The following SLX4 variants were observed in gnomAD, a reference collection of about 807,000 sequenced individuals.
The protein encoded by SLX4 is SLX4 structure-specific endonuclease subunit.
A neutral mutation model predicts 146.2 loss-of-function variants in SLX4; 112 were observed. The ratio of observed to expected loss-of-function variants is 0.77; its 90% CI spans 0.66 to 0.90. The LOEUF is 0.90. Ranked by LOEUF, SLX4 falls within the 40% of genes least tolerant of loss-of-function variation. SLX4 has a pLI of 0.00. For missense variants in SLX4, 2,563 were observed against 2,392.7 expected (o/e 1.07, Z -1.49); for synonymous variants, 1,061 against 997.7 (o/e 1.06, Z -1.20).
At chr16:3,604,986 A>G (rs916065282) in intron 3 of SLX4, among the ~76,000 whole-genome samples, 1 of 149,810 alleles carries the variant, frequency 6.7e-6, no homozygotes, top group Admixed American at 6.7e-5. Context: ...CAATGATGCA[A>G]TCACAGCTCA....
chr16:3,589,383 G>A lies in SLX4; in HGVS notation c.4255C>T (p.Pro1419Ser), dbSNP rs1418422984. Residue 1419 changes from proline (P) to serine (S), a missense_variant, in exon 12 of 15, where the codon CCC (proline) becomes TCC (serine). Transcript: ENST00000294008. This position sits in a 1 kb window ranked among gnomAD's most constrained non-coding sequence, Gnocchi z 6.2. ...CAGCAGTCGTCAATTGGAATTGGGG[G>A]GTCACTGTCCAGTGGGGGGCTTCTG... ...ANRSPPLDSD[P>S]PIPIDDCCWH... 6.3e-7 allele frequency: 1 copy of A among 1,593,012 alleles called. No homozygotes were observed.
chr16:3,593,198 A>C (rs1336731147), intron 10 of SLX4, among the ~76,000 whole-genome samples: 1 of 152,006 alleles, frequency 6.6e-6, no homozygotes, highest in Non-Finnish European at 1.5e-5. Context: ...CAGCCTCCCG[A>C]GTAGCTGGGA....
In SLX4 at chr16:3,589,277, G is replaced by C; in HGVS notation, c.4361C>G (p.Pro1454Arg). The C allele has an allele frequency of 6.3e-7, 1 of 1,596,092 alleles. No individual in the cohort carries two copies. The highest frequency in any genetic ancestry group is 8.6e-7 in the Non-Finnish European group (1 of 1,169,506). ...GGCGGCCTCGTTCATCCTGCGGCTGGGGCTGCTGGTGCTCAGGGGGCCGGT... is the reference window on the plus strand; with the variant it reads ...GGCGGCCTCGTTCATCCTGCGGCTGCGGCTGCTGGTGCTCAGGGGGCCGGT... The part of the protein sequence containing the change: ...ERTGPLSTSS[P>R]SRRMNEAADS... The change falls in exon 12 of 15, where the codon CCC becomes CGC. Residue 1454 changes from proline to arginine, a missense_variant. By Grantham distance (103) the Pro-to-Arg change is moderately radical (BLOSUM62 -2). Transcript: ENST00000294008. The surrounding 1 kb of genome is among the most constrained non-coding windows in gnomAD (Gnocchi z 6.2).
rs1391285556 is a variant in SLX4, at chr16:3,590,844, G to T, written c.2794C>A (p.Gln932Lys). Reference sequence around the variant, plus strand: ...CCCCGTGCCCCTGAGTGCTGGCCCTGGGGTGGCGGGAGAGCGCACTGTCCC... The same window carrying T: ...CCCCGTGCCCCTGAGTGCTGGCCCTTGGGTGGCGGGAGAGCGCACTGTCCC... ...KMGQCALPPP[Q>K]GQHSGARGAE... Residue 932 changes from glutamine to lysine, a missense_variant, in exon 12 of 15, where the codon CAG becomes AAG. Coordinates refer to ENST00000294008, the MANE Select transcript of SLX4 (RefSeq NM_032444.4). The surrounding 1 kb of genome is among the most constrained non-coding windows in gnomAD (Gnocchi z 4.8). The T allele has an allele frequency of 1.2e-6, 2 of 1,614,000 alleles. No individual in the cohort carries two copies. Among genetic ancestry groups the T allele is most frequent in the African/African-American group, 2.7e-5 (2 of 74,926 alleles).
chr16:3,592,606 C>A, intron 11 of SLX4, 93 bp downstream of exon 11: 1 of 1,440,480 alleles, frequency 6.9e-7, no homozygotes, highest in Non-Finnish European at 9.5e-7. Context: ...TTCTCTTGGC[C>A]TCAGCCCCGA....
At chr16:3,610,684 C>G (rs760005042) in intron 1 of SLX4, among the ~76,000 whole-genome samples, 19 of 152,208 alleles carry the variant, frequency 1.2e-4, no homozygotes, top group African/African-American at 2.7e-4. Flanking sequence ...GGCTTATTAT[C>G]TGTCCCCCAT....
Position 3,592,768 on chromosome 16 carries a change from T to A in SLX4, c.2258A>T (p.His753Leu), listed in dbSNP as rs759431781. 4 of 1,612,956 alleles carry A rather than the reference T, an allele frequency of 2.5e-6. No homozygotes were observed. The highest frequency in any genetic ancestry group is 2.5e-6 in the Non-Finnish European group (3 of 1,180,002). The stretch of plus-strand genomic sequence containing the variant: ...GCCAGTGTCCGCAGTGTAGAGATAG[T>A]GCAGGAACGTGCGGGCGGCCTCGGT... ...VSTEAARTFL[H>L]YLYTADTGLP... Residue 753 changes from histidine to leucine, a missense_variant, in exon 11 of 15, where the codon CAC becomes CTC. Coordinates refer to ENST00000294008, the MANE Select transcript of SLX4 (RefSeq NM_032444.4).
chr16:3,604,730 G>A (rs2040764296), intron 3 of SLX4, among the ~76,000 whole-genome samples: 1 of 150,890 alleles, frequency 6.6e-6, no homozygotes, highest in African/African-American at 2.4e-5. Context: ...TGAGGCAGGA[G>A]AATGGCTTGA....
rs2151116465 is a variant in SLX4 at position 3,583,139 on chromosome 16, G to A, written c.5111C>T (p.Ala1704Val). 1.2e-6 allele frequency: 2 copies of A among 1,614,272 alleles called. No individual in the cohort carries two copies. The highest frequency in any genetic ancestry group is 8.5e-7 in the Non-Finnish European group (1 of 1,180,042). Reference sequence around the variant, plus strand: ...GCTGTCACTGCCATCCACAGAGGTGGCCACGGATTCTTGAGAGGCTGGGAT... The same window carrying A: ...GCTGTCACTGCCATCCACAGAGGTGACCACGGATTCTTGAGAGGCTGGGAT... ...AQIPASQESVATSVDGSDSSL... is the reference protein window; with the variant it reads ...AQIPASQESVVTSVDGSDSSL... The change falls in exon 14 of 15, where the codon GCC becomes GTC. Residue 1704 changes from alanine to valine, a missense_variant. Physicochemically the swap from Ala to Val is moderately conservative, Grantham distance 64. Coordinates refer to ENST00000294008, the MANE Select transcript of SLX4 (RefSeq NM_032444.4).
At position 3,582,366 on chromosome 16, in the gene SLX4, GC is replaced by G. The variant is rs780024167; in HGVS notation, c.5480del (p.Gly1827AlafsTer56). On this transcript the variant is annotated frameshift_variant, in exon 15 of 15. Transcript: ENST00000294008. LOFTEE classifies it low-confidence loss of function (END_TRUNC). The stretch of plus-strand genomic sequence containing the variant: ...ATCAGTTCCGCTCCACCTTCTTCTT[GC>G]CCCGAGGCTGCCGCCTCCTGCCCTG... ...KLQGRRRQPR[G>X]KKKVERN The G allele has an allele frequency of 1.2e-6, 2 of 1,612,858 alleles. No homozygotes were observed. The highest frequency in any genetic ancestry group is 1.7e-6 in the Non-Finnish European group (2 of 1,180,034).
Position 3,590,983 on chromosome 16 carries a change from C to CGG in SLX4, c.2653_2654dup (p.Val886ArgfsTer7). The CGG allele has an allele frequency of 6.2e-7, 1 of 1,614,204 alleles. No homozygotes were observed. Among genetic ancestry groups the CGG allele is most frequent in the Non-Finnish European group, 8.5e-7 (1 of 1,180,036 alleles). On this transcript the variant is annotated frameshift_variant, in exon 12 of 15. Coordinates refer to ENST00000294008, the MANE Select transcript of SLX4 (RefSeq NM_032444.4). LOFTEE classifies it high-confidence loss of function. This position sits in a 1 kb window ranked among gnomAD's most constrained non-coding sequence, Gnocchi z 4.8. ...CACCTGCTAGGAGTTGCCCAGAAACCGGACTGCCACCCTCCAGCCAGTCAG... is the reference window on the plus strand; with the variant it reads ...CACCTGCTAGGAGTTGCCCAGAAACCGGGGACTGCCACCCTCCAGCCAGTCAG...
chr16:3,594,467 G>A lies in SLX4; in HGVS notation c.2146C>T (p.Leu716Phe). 1.2e-6 allele frequency: 2 copies of A among 1,613,608 alleles called. No individual in the cohort carries two copies. Among genetic ancestry groups the A allele is most frequent in the South Asian group, 2.2e-5 (2 of 90,994 alleles). Residue 716 changes from leucine to phenylalanine, a missense_variant, in exon 10 of 15, where the codon CTC (leucine) becomes TTC (phenylalanine). By Grantham distance (22) the Leu-to-Phe change is conservative. Transcript: ENST00000294008. ...CACGTACTTACATACTGGATGAGGAGCGGGCATCGGGCATAAAGCACGAAC... is the reference window on the plus strand; with the variant it reads ...CACGTACTTACATACTGGATGAGGAACGGGCATCGGGCATAAAGCACGAAC... ...HKFVLYARCP[L>F]LIQYVNNEGF...
Position 3,595,587 on chromosome 16 carries a change from G to C in SLX4, c.2013+18C>G, listed in dbSNP as rs535360315. The C allele has an allele frequency of 6.2e-7, 1 of 1,613,104 alleles. No individual in the cohort carries two copies. Among genetic ancestry groups the C allele is most frequent in the African/African-American group, 1.3e-5 (1 of 74,928 alleles). ...GGATGGCCGGGACCAGAGAGCGCGG[G>C]CCAGAGCCAGTTCTTACCAAGGTGC... On this transcript the variant is annotated intron_variant, in intron 9 of 14. Coordinates refer to ENST00000294008, the MANE Select transcript of SLX4 (RefSeq NM_032444.4).
Position 3,594,397 on chromosome 16 carries a change from CAGG to C in SLX4, c.2160+53_2160+55del, listed in dbSNP as rs1390259686. ...ATGGGAAGACCTGGTTGGAGAAAGG[CAGG>C]AGGAGAGAGGGAGAGAGAGGAAAGG... On this transcript the variant is annotated intron_variant, in intron 10 of 14. Coordinates refer to ENST00000294008, the MANE Select transcript of SLX4 (RefSeq NM_032444.4). 1.1e-5 allele frequency: 18 copies of C among 1,574,062 alleles called. 1 individual carries two copies. The highest frequency in any genetic ancestry group is 8.1e-5 in the African/African-American group (6 of 73,856).
chr16:3,594,168 A>C (rs1392743017), intron 10 of SLX4, among the ~76,000 whole-genome samples: 1 of 152,142 alleles, frequency 6.6e-6, no homozygotes, highest in South Asian at 2.1e-4. Flanking sequence ...CGCCCGGCCA[A>C]ACAATGGATT....
intron 3 of SLX4, among the ~76,000 whole-genome samples, chr16:3,604,782 T>C (rs975357173): frequency 1.4e-5 from 2 of 144,472 alleles, no homozygotes; most frequent in African/African-American, 2.6e-5. Context: ...ATTGCGCCAC[T>C]GCACCCCAAC....
chr16:3,603,023 C>T (rs1262005611), intron 3 of SLX4, among the ~76,000 whole-genome samples: 4 of 152,210 alleles, frequency 2.6e-5, no homozygotes, highest in Non-Finnish European at 5.9e-5. Flanking sequence ...GCCAGCAAAA[C>T]AGCACACCTT....
chr16:3,594,427 G>C lies in SLX4; in HGVS notation c.2160+26C>G, dbSNP rs769858938. 4 of 1,603,646 alleles carry C rather than the reference G, an allele frequency of 2.5e-6. No homozygotes were observed. In the African/African-American group the frequency reaches 5.4e-5, roughly 21 times the overall value. On this transcript the variant is annotated intron_variant, in intron 10 of 14. Coordinates refer to ENST00000294008, the MANE Select transcript of SLX4 (RefSeq NM_032444.4). ...GGAGAGAGGGAGAGAGAGGAAAGGA[G>C]GGCACACGGCAGCCCACGTACTTAC...
rs1272661735 is a variant in SLX4, at chr16:3,609,024, G to A, written c.-60C>T. On this transcript the variant is annotated 5_prime_UTR_variant, in exon 2 of 15. Coordinates refer to ENST00000294008, the MANE Select transcript of SLX4 (RefSeq NM_032444.4). ...GAGAGTTTGCACAATTGAACAAAAA[G>A]TACTGTTTTCCTCTCTATAATGATT... 3 of 1,566,940 alleles carry A rather than the reference G, an allele frequency of 1.9e-6. No individual in the cohort carries two copies. Among genetic ancestry groups the A allele is most frequent in the Non-Finnish European group, 2.6e-6 (3 of 1,153,432 alleles).
Sources: allele counts gnomAD v4.1 joint callset (sites outside exome capture counted in the v4.1 genomes callset), GRCh38; gene constraint gnomAD v4.1.1; non-coding constraint Gnocchi (gnomAD v3.1); transcripts MANE v1.5; gene names NCBI Gene and HGNC (gene_info 2026-07-23, HGNC 2026-07-21).